Variants in RBFOX1 observed in about 807,000 individuals in gnomAD.
The protein encoded by RBFOX1 is RNA binding protein fox-1 homolog 1.
A neutral mutation model predicts 57.7 loss-of-function variants in RBFOX1; 8 were observed. The ratio of observed to expected loss-of-function variants is 0.14; its 90% CI spans 0.08 to 0.25. The LOEUF (loss-of-function observed/expected upper bound fraction) is 0.25, where lower values mean the gene tolerates loss of function less well. Ranked by LOEUF, RBFOX1 falls within the 10% of genes least tolerant of loss-of-function variation. The pLI is 1.00. For missense variants in RBFOX1, 611 were observed against 548.5 expected (o/e 1.11, Z -1.14); for synonymous variants, 326 against 222.4 (o/e 1.47, Z -4.15).
intron 2 of RBFOX1, among the ~76,000 whole-genome samples, chr16:6,521,823 T>C (rs2096505353): frequency 6.6e-6 from 1 of 152,172 alleles, no homozygotes; most frequent in African/African-American, 2.4e-5. Flanking sequence ...GGAATCCTCA[T>C]GTCTAAAAAT....
chr16:6,805,182 A>C (rs548274576), intron 3 of RBFOX1, among the ~76,000 whole-genome samples: 13 of 152,330 alleles, frequency 8.5e-5, no homozygotes, highest in Non-Finnish European at 1.6e-4. Flanking sequence ...AAAATGTGGT[A>C]CATCTACACC....
intron 3 of RBFOX1, among the ~76,000 whole-genome samples, chr16:6,838,115 C>T (rs1450631106): frequency 6.6e-6 from 1 of 151,994 alleles, no homozygotes. Context: ...CACCTATCAA[C>T]CTGTTGTCTA....
At position 6,051,983 on chromosome 16, in the gene RBFOX1, T is replaced by C. The variant is rs17139239; in HGVS notation, c.-127+31991T>C. On this transcript the variant is annotated intron_variant, in intron 1 of 15. Transcript: ENST00000550418. ...CACCTGGACCGACAAGTTTGACGCC[T>C]AATAAAATGGACTTCTAGTCTTGCT... Among the ~76,000 whole-genome samples the C allele has an allele frequency of 4.0e-3, 608 of 152,310 alleles. 2 individuals carry two copies. Among genetic ancestry groups the C allele is most frequent in the African/African-American group, 0.014 (572 of 41,568 alleles).
At chr16:5,741,064 A>G (rs2151590782) in intron 3 of RBFOX1, among the ~76,000 whole-genome samples, 1 of 152,324 alleles carries the variant, frequency 6.6e-6, no homozygotes, top group South Asian at 2.1e-4. Context: ...AGATGGGGAA[A>G]TTGAGACCAG....
At position 6,450,814 on chromosome 16, in the gene RBFOX1, T is replaced by C. The variant is rs377429307; in HGVS notation, c.-64+133757T>C. 4.5e-3 allele frequency among the ~76,000 whole-genome samples: 47 copies of C among 10,400 alleles called. No individual in the cohort carries two copies. In the East Asian group the frequency reaches 0.093, roughly 21 times the overall value. The allele number at this position is 10,400 out of a possible 152,430, so 6.8% of individuals were successfully genotyped here. A position where few individuals can be genotyped will look rare whatever the true frequency, so the allele number is the denominator to read the frequency against. On this transcript the variant is annotated intron_variant, in intron 2 of 15. Coordinates refer to ENST00000550418, the MANE Select transcript of RBFOX1 (RefSeq NM_018723.4). ...ACATATATATATGTATATATATATA[T>C]ATACATATATATATATATATATGTG...
At chr16:7,443,029 T>G (rs1293507291) in intron 4 of RBFOX1, among the ~76,000 whole-genome samples, 2 of 152,120 alleles carry the variant, frequency 1.3e-5, no homozygotes, top group East Asian at 3.9e-4. Context: ...TTAACATCCT[T>G]TTTACTTTGG....
In RBFOX1 at chr16:5,845,687, A is replaced by G. The variant is rs149679657; in HGVS notation, c.319-21616A>G. 1.1e-3 allele frequency among the ~76,000 whole-genome samples: 166 copies of G among 152,320 alleles called. 2 individuals are homozygous for G. Among genetic ancestry groups the G allele is most frequent in the Admixed American group, 9.5e-3 (145 of 15,300 alleles). ...ACTTAAATGTAAATTAATTAAGATG[A>G]AACTTAAAATCCAGTTCTCAATAAC... On this transcript the variant is annotated intron_variant, in intron 3 of 19. Transcript: ENST00000641259.
At chr16:7,002,772 T>G (rs1388516908) in intron 3 of RBFOX1, among the ~76,000 whole-genome samples, 1 of 152,146 alleles carries the variant, frequency 6.6e-6, no homozygotes, top group Non-Finnish European at 1.5e-5. Flanking sequence ...AAAATACACT[T>G]CCTGAATGTC....
chr16:5,404,153 G>A (rs2066797792), intron 1 of RBFOX1, among the ~76,000 whole-genome samples: 1 of 151,650 alleles, frequency 6.6e-6, no homozygotes, highest in Admixed American at 6.6e-5. Flanking sequence ...GAGGGGTGAG[G>A]AGATATGGGG....
intron 1 of RBFOX1, among the ~76,000 whole-genome samples, chr16:6,133,511 C>T (rs1331198801): frequency 6.6e-6 from 1 of 152,174 alleles, no homozygotes; most frequent in Non-Finnish European, 1.5e-5. Flanking sequence ...GTCAACCCTG[C>T]CTTGATTCCT....
chr16:6,424,927 A>T (rs1250847938), intron 2 of RBFOX1, among the ~76,000 whole-genome samples: 1 of 152,140 alleles, frequency 6.6e-6, no homozygotes, highest in African/African-American at 2.4e-5. Context: ...CTATCTATAG[A>T]TATTTGTATT....
intron 4 of RBFOX1, among the ~76,000 whole-genome samples, chr16:7,243,346 C>CT: frequency 6.6e-6 from 1 of 152,016 alleles, no homozygotes; most frequent in African/African-American, 2.4e-5. Context: ...ACCTTTAGTT[C>CT]TTTTATGTAT....
chr16:7,025,842 G>C (rs2040751138), intron 3 of RBFOX1, among the ~76,000 whole-genome samples: 1 of 152,160 alleles, frequency 6.6e-6, no homozygotes, highest in Non-Finnish European at 1.5e-5. Flanking sequence ...GCAACCCCAG[G>C]TCAGGGATTC....
At chr16:7,693,726 C>T (rs1168841361) in intron 14 of RBFOX1, among the ~76,000 whole-genome samples, 1 of 151,946 alleles carries the variant, frequency 6.6e-6, no homozygotes, top group Non-Finnish European at 1.5e-5. Context: ...TGTTTTTTGA[C>T]GTGTTATGTC....
chr16:7,002,779 T>C (rs1472417619), intron 3 of RBFOX1, among the ~76,000 whole-genome samples: 1 of 152,160 alleles, frequency 6.6e-6, no homozygotes, highest in Non-Finnish European at 1.5e-5. Context: ...ACTTCCTGAA[T>C]GTCGGCTTTG....
intron 4 of RBFOX1, among the ~76,000 whole-genome samples, chr16:5,988,746 G>A (rs1344627696): frequency 4.6e-5 from 7 of 152,138 alleles, no homozygotes; most frequent in Non-Finnish European, 1.0e-4. Context: ...AGTAATCTGA[G>A]TGATTCAGAG....
At chr16:7,124,820 T>A (rs1303518635) in intron 4 of RBFOX1, among the ~76,000 whole-genome samples, 1 of 152,016 alleles carries the variant, frequency 6.6e-6, no homozygotes, top group Non-Finnish European at 1.5e-5. Flanking sequence ...ACAGTCCGTA[T>A]CCTGTTTCTA....
chr16:6,974,680 C>T (rs1255265403), intron 3 of RBFOX1, among the ~76,000 whole-genome samples: 3 of 151,980 alleles, frequency 2.0e-5, no homozygotes, highest in Non-Finnish European at 4.4e-5. Flanking sequence ...TTCTGGAAGA[C>T]CATCAGGAGG....
At chr16:6,188,501 A>G (rs1033509456) in intron 1 of RBFOX1, among the ~76,000 whole-genome samples, 3 of 151,400 alleles carry the variant, frequency 2.0e-5, no homozygotes, top group South Asian at 4.2e-4. Context: ...GTTATTGTCT[A>G]TTTCAGACAA....
Sources: allele counts gnomAD v4.1 joint callset (sites outside exome capture counted in the v4.1 genomes callset), GRCh38; gene constraint gnomAD v4.1.1; transcripts MANE v1.5; gene names NCBI Gene and HGNC (gene_info 2026-07-23, HGNC 2026-07-21).